The following NEU3 variants were observed in gnomAD, a reference collection of about 807,000 sequenced individuals.
The protein encoded by NEU3 is sialidase-3.
NEU3 carries 10 observed loss-of-function variants against 11.4 expected under a neutral mutation model. That is an observed-to-expected ratio of 0.88 (90% CI 0.54 to 1.49). The LOEUF (loss-of-function observed/expected upper bound fraction) is 1.49, where lower values mean the gene tolerates loss of function less well. NEU3 is among the 40% of genes most tolerant of loss of function. The pLI is 0.00. For synonymous variants in NEU3, 212 were observed against 228.2 expected (o/e 0.93, Z 0.64); for missense variants, 529 against 581.8 (o/e 0.91, Z 0.93).
downstream of NEU3, among the ~76,000 whole-genome samples, chr11:75,019,529 C>A (rs568820526): frequency 1.3e-5 from 2 of 152,336 alleles, no homozygotes; most frequent in African/African-American, 4.8e-5. Context: ...CCACAGTGTT[C>A]AAAACATGGG....
chr11:74,994,937 T>G, intron 2 of NEU3: 1 of 666,946 alleles, frequency 1.5e-6, no homozygotes, highest in Non-Finnish European at 2.7e-6. Context: ...GGTACTGTTT[T>G]CAGTCATATT....
At chr11:75,019,550 A>G (rs537951963), downstream of NEU3, among the ~76,000 whole-genome samples, 1 of 152,230 alleles carries the variant, frequency 6.6e-6, no homozygotes, top group South Asian at 2.1e-4. Flanking sequence ...AGCTGTCCTG[A>G]TTATTATTTT....
chr11:74,989,020 T>A lies in NEU3; in HGVS notation c.-41T>A, dbSNP rs928606115. On this transcript the variant is annotated 5_prime_UTR_variant, in exon 1 of 3. Coordinates refer to ENST00000294064, the MANE Select transcript of NEU3 (RefSeq NM_006656.6). ...CTCTCTATCCTCCTCTGTCTCAGTC[T>A]CCCCAGCCTTGGGGCCGGTGCCTCT... 17 of 1,454,308 alleles carry A rather than the reference T, an allele frequency of 1.2e-5. No individual in the cohort carries two copies. The highest frequency in any genetic ancestry group is 9.9e-5 in the Admixed American group (5 of 50,570). The allele number at this position is 1,454,308 out of a possible 1,614,324, so 90.1% of individuals were successfully genotyped here. A position where few individuals can be genotyped will look rare whatever the true frequency, so the allele number is the denominator to read the frequency against.
intron 1 of NEU3, chr11:74,990,089 A>G (rs1948714201): frequency 1.5e-6 from 1 of 680,686 alleles, no homozygotes. Context: ...ATAATAAAGC[A>G]TAAATGAAAT....
At chr11:74,989,773 A>G (rs967394770) in intron 1 of NEU3, among the ~76,000 whole-genome samples, 14 of 152,186 alleles carry the variant, frequency 9.2e-5, no homozygotes, top group African/African-American at 3.1e-4. Flanking sequence ...AAGTAAAGTG[A>G]CTTGCTAGTA....
In NEU3 at chr11:74,994,570, CAG is replaced by C. The variant is rs1212229760; in HGVS notation, c.159_160del (p.Gly54AspfsTer30). Reference sequence around the variant, plus strand: ...GCCCTCTGTTCCGGCAGGAAGATGACAGAGGGATTACCTACCGGATCCCAGCC... The same window carrying C: ...GCCCTCTGTTCCGGCAGGAAGATGACAGGGATTACCTACCGGATCCCAGCC... ...NSPLFRQEDD[R>X]GITYRIPALL... On this transcript the variant is annotated frameshift_variant, in exon 2 of 3. Transcript: ENST00000294064. LOFTEE classifies it high-confidence loss of function. The C allele has an allele frequency of 4.3e-6, 7 of 1,613,794 alleles. No homozygotes were observed. Among genetic ancestry groups the C allele is most frequent in the Non-Finnish European group, 5.9e-6 (7 of 1,179,850 alleles).
chr11:75,013,526 A>G (rs550354457), downstream of NEU3, among the ~76,000 whole-genome samples: 3 of 152,250 alleles, frequency 2.0e-5, no homozygotes, highest in South Asian at 2.1e-4. Context: ...GATGATTTTC[A>G]CCAACCTTCT....
At chr11:74,987,340 G>C (rs1948675639), upstream of NEU3, among the ~76,000 whole-genome samples, 1 of 152,134 alleles carries the variant, frequency 6.6e-6, no homozygotes, top group African/African-American at 2.4e-5. Flanking sequence ...TATTTGGCCA[G>C]TGGAATCACC....
chr11:74,992,703 T>C (rs939094024), intron 1 of NEU3, among the ~76,000 whole-genome samples: 2 of 152,178 alleles, frequency 1.3e-5, no homozygotes, highest in Non-Finnish European at 2.9e-5. Flanking sequence ...CTCATGCCTG[T>C]AATACCAGCA....
downstream of NEU3, among the ~76,000 whole-genome samples, chr11:75,014,943 T>A (rs2140259302): frequency 6.6e-6 from 1 of 152,348 alleles, no homozygotes; most frequent in South Asian, 2.1e-4. Flanking sequence ...CTTTTTTAGA[T>A]AAAAGTTTAA....
In NEU3 at chr11:74,996,167, A is replaced by G. The variant is rs375423240; in HGVS notation, c.306+1447A>G. ...ATACCCTGTCTACCCCCAACAAGAA[A>G]TAAGACAACAATGAAGTTTGCTGAA... On this transcript the variant is annotated intron_variant, in intron 2 of 2. Coordinates refer to ENST00000294064, the MANE Select transcript of NEU3 (RefSeq NM_006656.6). Among the ~76,000 whole-genome samples the G allele has an allele frequency of 5.9e-5, 9 of 152,222 alleles. No homozygotes were observed. The South Asian group carries it at 1.0e-3, about 18-fold the overall frequency.
At position 75,006,605 on chromosome 11, in the gene NEU3, T is replaced by C; in HGVS notation, c.*113T>C. 2 of 1,317,992 alleles carry C rather than the reference T, an allele frequency of 1.5e-6. No individual in the cohort carries two copies. Among genetic ancestry groups the C allele is most frequent in the Non-Finnish European group, 2.0e-6 (2 of 988,818 alleles). The allele number at this position is 1,317,992 out of a possible 1,614,324, so 81.6% of individuals were successfully genotyped here. On this transcript the variant is annotated 3_prime_UTR_variant, in exon 3 of 3. Coordinates refer to ENST00000294064, the MANE Select transcript of NEU3 (RefSeq NM_006656.6). ...CTTAATATTCTGTTCCCTACCTTTT[T>C]TCACTTTTCCTCCTCCAAAGAGCAA...
upstream of NEU3, among the ~76,000 whole-genome samples, chr11:74,987,753 CAGTG>C (rs1948681689): frequency 6.6e-6 from 1 of 152,014 alleles, no homozygotes; most frequent in Non-Finnish European, 1.5e-5. Context: ...GCGGAGCTTG[CAGTG>C]AGCCAAGATG....
intron 2 of NEU3, among the ~76,000 whole-genome samples, chr11:74,997,870 A>G (rs1050786748): frequency 2.6e-5 from 4 of 152,108 alleles, no homozygotes; most frequent in African/African-American, 7.2e-5. Flanking sequence ...TTCAAAAAAA[A>G]AAAAGAACTT....
chr11:74,982,617 C>T, the NEU3 span, among the ~76,000 whole-genome samples: 2 of 152,110 alleles, frequency 1.3e-5, no homozygotes, highest in Non-Finnish European at 2.9e-5. Context: ...CCTTTTACAG[C>T]TCCGTTCAAT....
intron 1 of NEU3, among the ~76,000 whole-genome samples, chr11:74,990,523 A>AT (rs1007975560): frequency 1.5e-4 from 23 of 151,734 alleles, no homozygotes; most frequent in Middle Eastern, 3.4e-3. Flanking sequence ...TGCCTGGCCA[A>AT]TTTTTTTTGT....
At chr11:75,012,393 C>T (rs568049304), downstream of NEU3, among the ~76,000 whole-genome samples, 8 of 152,256 alleles carry the variant, frequency 5.3e-5, no homozygotes, top group East Asian at 9.6e-4. Flanking sequence ...TAAAGGTACA[C>T]GGGGTCATCC....
At chr11:74,994,154 G>T (rs1235554585) in intron 1 of NEU3, among the ~76,000 whole-genome samples, 1 of 151,988 alleles carries the variant, frequency 6.6e-6, no homozygotes, top group Non-Finnish European at 1.5e-5. Flanking sequence ...TACCCAAATG[G>T]CCTAGAAACT....
intron 2 of NEU3, among the ~76,000 whole-genome samples, chr11:74,997,524 T>G (rs1016234460): frequency 1.3e-5 from 2 of 152,206 alleles, no homozygotes; most frequent in Non-Finnish European, 2.9e-5. Context: ...ATTCCTGTAT[T>G]CACTGGAGTA....
Sources: gnomAD v4.1 joint callset for allele counts (sites outside exome capture counted in the v4.1 genomes callset) on GRCh38, gnomAD v4.1.1 for gene constraint, MANE v1.5 for transcripts, NCBI Gene and HGNC (gene_info 2026-07-23, HGNC 2026-07-21) for gene names.